The following DDR2 variants were observed in gnomAD, a reference collection of about 807,000 sequenced individuals.
DDR2 encodes discoidin domain receptor tyrosine kinase 2.
Under a neutral mutation model 94.9 loss-of-function variants are expected in DDR2, and 27 were observed. That is an observed-to-expected ratio of 0.28 (90% confidence interval 0.21 to 0.39). The LOEUF is 0.39. DDR2 is among the 10% of genes least tolerant of loss of function. DDR2 has a pLI of 1.00. For missense variants in DDR2, 783 were observed against 1,076.0 expected, an observed-to-expected ratio of 0.73 and a Z score of 3.81; for synonymous variants, 382 against 377.2, an observed-to-expected ratio of 1.01 and a Z score of -0.15.
At chr1:162,664,598 T>G (rs1658455112) in intron 2 of DDR2, among the ~76,000 whole-genome samples, 1 of 152,146 alleles carries the variant, frequency 6.6e-6, no homozygotes, top group Non-Finnish European at 1.5e-5. Flanking sequence ...AAAGTCACAA[T>G]GTAATATAAA....
chr1:162,753,008 C>A, intron 3 of DDR2, 87 bp from the exon 4 acceptor site: 1 of 1,154,690 alleles, frequency 8.7e-7, no homozygotes, highest in Non-Finnish European at 1.3e-6. Context: ...ATTCCTTGTT[C>A]AATATTCAGT....
intron 17 of DDR2, among the ~76,000 whole-genome samples, chr1:162,779,361 G>T (rs1647771527): frequency 6.6e-6 from 1 of 152,076 alleles, no homozygotes; most frequent in Admixed American, 6.5e-5. Context: ...GGAATTTAAA[G>T]CTTGCCAGTA....
chr1:162,677,608 C>T (rs987663194), intron 2 of DDR2, among the ~76,000 whole-genome samples: 1 of 152,140 alleles, frequency 6.6e-6, no homozygotes, highest in African/African-American at 2.4e-5. Flanking sequence ...CTTTTCTTCT[C>T]CTGACTTTTC....
At chr1:162,742,957 T>G (rs1368728171) in intron 3 of DDR2, among the ~76,000 whole-genome samples, 1 of 152,066 alleles carries the variant, frequency 6.6e-6, no homozygotes, top group Non-Finnish European at 1.5e-5. Context: ...GCCCCCATAA[T>G]TCAGTTACCT....
chr1:162,772,004 C>G lies in DDR2; in HGVS notation c.1505-20C>G, dbSNP rs3738807. The G allele has an allele frequency of 1.3e-6, 2 of 1,580,590 alleles. No homozygotes were observed. The highest frequency in any genetic ancestry group is 1.7e-6 in the Non-Finnish European group (2 of 1,163,396). ...AAAGACACTCCACGGAATGAGGGCT[C>G]GTTGCCCTTGTCTTCCCAGGCTGCA... On this transcript the variant is annotated intron_variant, in intron 12 of 17. Transcript: ENST00000367921.
intron 2 of DDR2, among the ~76,000 whole-genome samples, chr1:162,686,374 C>A (rs576498305): frequency 3.7e-4 from 56 of 152,228 alleles, no homozygotes; most frequent in African/African-American, 1.3e-3. Context: ...CCTTGCCCCC[C>A]ACCCCGTGAC....
At chr1:162,674,364 A>C (rs553923725) in intron 2 of DDR2, among the ~76,000 whole-genome samples, 1 of 152,318 alleles carries the variant, frequency 6.6e-6, no homozygotes, top group Non-Finnish European at 1.5e-5. Flanking sequence ...TGCTCTCACC[A>C]AAAGCAATTT....
rs537054023 is a variant in DDR2, at chr1:162,678,188, CCTACTAGTTAT to C, written c.-28+22825_-28+22835del. Among the ~76,000 whole-genome samples the C allele has an allele frequency of 3.8e-4, 58 of 152,252 alleles. 1 individual carries two copies. The East Asian group carries it at 0.011, about 28-fold the overall frequency. On this transcript the variant is annotated intron_variant, in intron 2 of 17. Transcript: ENST00000367921. ...CCTACTAGTTACCTATTGGTAGTTA[CCTACTAGTTAT>C]CTACTAGTTACCTACCTCTGTTACC...
Position 162,717,171 on chromosome 1 carries a change from G to A in DDR2, c.-27-1866G>A, listed in dbSNP as rs1414361031. On this transcript the variant is annotated intron_variant, in intron 2 of 17. Transcript: ENST00000367921. ...ATGCCTTAGCCTCCCAAGTAGCTGG[G>A]ATTACAGGCACCCACCACCAAGCCT... Among the ~76,000 whole-genome samples the A allele has an allele frequency of 3.3e-5, 5 of 152,112 alleles. No homozygotes were observed. The East Asian group carries it at 9.7e-4, about 29-fold the overall frequency.
intron 3 of DDR2, among the ~76,000 whole-genome samples, chr1:162,740,802 T>C (rs1662550103): frequency 1.3e-5 from 2 of 151,964 alleles, no homozygotes; most frequent in South Asian, 4.2e-4. Flanking sequence ...AAACCATGGG[T>C]TTGGAAAGCA....
At chr1:162,653,621 A>G (rs4351614) in intron 1 of DDR2, among the ~76,000 whole-genome samples, 138,705 of 151,604 alleles carry the variant, frequency 0.91, 64,037 homozygotes, top group Middle Eastern at 0.98. Flanking sequence ...TTTGGGTCCT[A>G]TTTTCTTCCC....
intron 6 of DDR2, 98 bp downstream of exon 6, chr1:162,755,401 C>G: frequency 1.4e-6 from 2 of 1,479,572 alleles, no homozygotes; most frequent in Admixed American, 3.6e-5. Context: ...ATCAGTTACT[C>G]CTGGAATGGT....
rs1240952515 is a variant in DDR2, at chr1:162,776,286, G to A, written c.2199G>A (p.Arg733=). The change falls in exon 16 of 18, where the codon AGG becomes AGA. Residue 733 remains arginine (R), a synonymous_variant. Transcript: ENST00000367921. ...AGATAGCTGACTTTGGAATGAGCAG[G>A]AACCTGTACAGTGGTGACTATTACC... ...TIKIADFGMS[R]NLYSGDYYRI... 3 of 1,614,018 alleles carry A rather than the reference G, an allele frequency of 1.9e-6. No individual in the cohort carries two copies. The highest frequency in any genetic ancestry group is 2.5e-6 in the Non-Finnish European group (3 of 1,179,962).
At chr1:162,704,048 C>G (rs934589746) in intron 2 of DDR2, among the ~76,000 whole-genome samples, 5 of 152,220 alleles carry the variant, frequency 3.3e-5, no homozygotes, top group Admixed American at 6.5e-5. Flanking sequence ...TTTTAAAGCC[C>G]TGGCTCACAC....
At chr1:162,697,492 A>C (rs1458892444) in intron 2 of DDR2, among the ~76,000 whole-genome samples, 4 of 152,170 alleles carry the variant, frequency 2.6e-5, no homozygotes, top group Non-Finnish European at 5.9e-5. Context: ...GCTAACCTGG[A>C]CTGTTTCTTA....
chr1:162,718,011 A>G (rs1338031948), intron 2 of DDR2, among the ~76,000 whole-genome samples: 1 of 152,092 alleles, frequency 6.6e-6, no homozygotes, highest in Non-Finnish European at 1.5e-5. Context: ...AATTATTTGG[A>G]ATTCTTTTGC....
chr1:162,717,142 T>C (rs1386552826), intron 2 of DDR2, among the ~76,000 whole-genome samples: 1 of 152,084 alleles, frequency 6.6e-6, no homozygotes, highest in Non-Finnish European at 1.5e-5. Context: ...TTCAAGTGAT[T>C]CTCATGCCTT....
At chr1:162,760,764 C>T (rs1663688537) in intron 8 of DDR2, among the ~76,000 whole-genome samples, 1 of 151,942 alleles carries the variant, frequency 6.6e-6, no homozygotes, top group South Asian at 2.1e-4. Context: ...CACCTCACTT[C>T]ATGTTGCTGG....
In DDR2 at chr1:162,770,538, G is replaced by A. The variant is rs201567659; in HGVS notation, c.1504+26G>A. 254 of 1,607,150 alleles carry A rather than the reference G, an allele frequency of 1.6e-4. 1 individual carries two copies. The East Asian group carries it at 3.3e-3, about 21-fold the overall frequency. On this transcript the variant is annotated intron_variant, in intron 12 of 17. Transcript: ENST00000367921. ...GTGAGGATGATGTGGTGGGCAGGGT[G>A]TCAAGGGAGAAACCTCAGCAAGCAT...
Sources: allele counts gnomAD v4.1 joint callset (sites outside exome capture counted in the v4.1 genomes callset), GRCh38; gene constraint gnomAD v4.1.1; transcripts MANE v1.5; gene names NCBI Gene and HGNC (gene_info 2026-07-23, HGNC 2026-07-21).